SERPINE3: variants seen among roughly 807,000 people sequenced by gnomAD.
The protein encoded by SERPINE3 is serpin family E member 3, also known as serpin E3.
In SERPINE3, 43 loss-of-function variants were observed where a neutral mutation model predicts 41.7. That is an observed-to-expected ratio of 1.03 (90% CI 0.81 to 1.33). The LOEUF is 1.33. Ranked by LOEUF, SERPINE3 falls within the 40% of genes most tolerant of loss-of-function variation. SERPINE3 has a pLI of 0.00. For synonymous variants in SERPINE3, 200 were observed against 192.2 expected (o/e 1.04, Z -0.34); for missense variants, 440 against 491.7 (o/e 0.89, Z 0.99).
chr13:51,349,498 G>A (rs529497703), intron 6 of SERPINE3, among the ~76,000 whole-genome samples: 3 of 152,306 alleles, frequency 2.0e-5, no homozygotes, highest in Non-Finnish European at 2.9e-5. Context: ...TTATATTTGA[G>A]AGAAACTCAG....
At chr13:51,360,191 G>C (rs963052270) in intron 7 of SERPINE3, among the ~76,000 whole-genome samples, 1 of 152,020 alleles carries the variant, frequency 6.6e-6, no homozygotes, top group African/African-American at 2.4e-5. Flanking sequence ...AGTCTAAGAT[G>C]AAACAAAGCT....
At chr13:51,354,800 A>G (rs1472762593) in intron 6 of SERPINE3, among the ~76,000 whole-genome samples, 1 of 152,172 alleles carries the variant, frequency 6.6e-6, no homozygotes, top group African/African-American at 2.4e-5. Flanking sequence ...ATAATAACTA[A>G]AAGACAATCA....
intron 7 of SERPINE3, among the ~76,000 whole-genome samples, chr13:51,357,314 A>G (rs1419865281): frequency 1.3e-5 from 2 of 152,212 alleles, no homozygotes; most frequent in East Asian, 1.9e-4. Flanking sequence ...CATTCCTAAA[A>G]TGGGGTAACT....
Position 51,355,113 on chromosome 13 carries a change from C to T in SERPINE3, c.970C>T (p.Pro324Ser), listed in dbSNP as rs754889611. The change falls in exon 7 of 10, where the codon CCA (proline) becomes TCA (serine). Residue 324 changes from proline to serine, a missense_variant. Pro to Ser is a moderately conservative substitution (Grantham distance 74). Transcript: ENST00000681248. ...NSWGVTDLFDPLKANLKGISG... is the reference protein window; with the variant it reads ...NSWGVTDLFDSLKANLKGISG... ...TTGGGGAGTCACCGATCTTTTTGAT[C>T]CACTCAAAGCTAACTTGAAAGGAAT... is the stretch of plus-strand genomic sequence containing the variant. 7 of 1,543,594 alleles carry T rather than the reference C, an allele frequency of 4.5e-6. No homozygotes were observed. Among genetic ancestry groups the T allele is most frequent in the Non-Finnish European group, 6.2e-6 (7 of 1,138,070 alleles).
chr13:51,347,380 G>A, intron 5 of SERPINE3, 146 bp downstream of exon 5: 1 of 700,192 alleles, frequency 1.4e-6, no homozygotes, highest in Non-Finnish European at 2.4e-6. Flanking sequence ...ATGGCGGAAG[G>A]AAAGACTAAG....
chr13:51,342,128 T>C (rs1433257501), intron 3 of SERPINE3, among the ~76,000 whole-genome samples: 1 of 145,880 alleles, frequency 6.9e-6, no homozygotes, highest in Admixed American at 7.0e-5. Flanking sequence ...CTCACACACA[T>C]TAACATTTTT....
At chr13:51,361,982 T>C (rs1337650229) in intron 9 of SERPINE3, 89 bp downstream of exon 9, 1 of 1,610,768 alleles carries the variant, frequency 6.2e-7, no homozygotes, top group Non-Finnish European at 8.5e-7. Flanking sequence ...CCCTCAAAAA[T>C]AAGCATTCTT....
intron 5 of SERPINE3, 118 bp from the exon 6 acceptor site, chr13:51,348,095 G>A (rs1395352871): frequency 1.4e-6 from 1 of 730,122 alleles, no homozygotes; most frequent in Non-Finnish European, 2.3e-6. Context: ...CTGAGGGTGA[G>A]GTGGATGCTC....
chr13:51,353,541 C>T (rs890892834), intron 6 of SERPINE3, among the ~76,000 whole-genome samples: 9 of 152,162 alleles, frequency 5.9e-5, no homozygotes, highest in African/African-American at 2.2e-4. Context: ...GCATTGGATT[C>T]CCAAGTCCAT....
intron 4 of SERPINE3, among the ~76,000 whole-genome samples, chr13:51,344,969 G>T (rs888094068): frequency 6.8e-6 from 1 of 146,178 alleles, no homozygotes; most frequent in African/African-American, 2.8e-5. Flanking sequence ...ATTGAAGAAA[G>T]AGACTTACAA....
At chr13:51,360,541 AC>A (rs1955556945) in intron 7 of SERPINE3, among the ~76,000 whole-genome samples, 1 of 152,112 alleles carries the variant, frequency 6.6e-6, no homozygotes, top group Non-Finnish European at 1.5e-5. Flanking sequence ...TGATTAGCTT[AC>A]AAAAATCAGC....
rs866347293 is a variant in SERPINE3, at chr13:51,344,219, C to T, written c.257-33C>T. 1.6e-5 allele frequency: 24 copies of T among 1,537,150 alleles called. No individual in the cohort carries two copies. The African/African-American group carries it at 1.9e-4, about 12-fold the overall frequency. ...GTGCTAACTCCTTACTCACACTCAC[C>T]ATTGTCAACTTATCCCAACTTGTTT... is the stretch of plus-strand genomic sequence containing the variant. On this transcript the variant is annotated intron_variant, in intron 3 of 9. Coordinates refer to ENST00000681248, the MANE Select transcript of SERPINE3 (RefSeq NM_001386375.1).
chr13:51,362,435 C>T (rs569660247), intron 9 of SERPINE3: 5 of 153,554 alleles, frequency 3.3e-5, no homozygotes, highest in South Asian at 2.1e-4. Flanking sequence ...GGTGTGGTAC[C>T]GGCAAAGCCT....
intron 3 of SERPINE3, among the ~76,000 whole-genome samples, chr13:51,342,001 G>C (rs1233914151): frequency 2.0e-5 from 3 of 152,088 alleles, no homozygotes; most frequent in Non-Finnish European, 4.4e-5. Flanking sequence ...GAGCGGCTTT[G>C]CCGGCAGCAG....
intron 3 of SERPINE3, among the ~76,000 whole-genome samples, chr13:51,343,519 T>C (rs958843461): frequency 6.6e-6 from 1 of 152,204 alleles, no homozygotes; most frequent in African/African-American, 2.4e-5. Context: ...AGTAAATAAA[T>C]AGAAGTCCAG....
intron 5 of SERPINE3, 93 bp downstream of exon 5, chr13:51,347,327 C>T (rs986699064): frequency 1.5e-5 from 17 of 1,099,892 alleles, no homozygotes; most frequent in Admixed American, 4.1e-5. Flanking sequence ...CCTAAGGGAT[C>T]GGGATGTGTT....
chr13:51,360,753 G>A (rs890834890), intron 7 of SERPINE3, among the ~76,000 whole-genome samples: 2 of 151,970 alleles, frequency 1.3e-5, no homozygotes, highest in African/African-American at 4.8e-5. Flanking sequence ...TCTGAATTGT[G>A]CCTCAATAAA....
intron 6 of SERPINE3, among the ~76,000 whole-genome samples, chr13:51,348,851 A>G (rs1361891492): frequency 2.1e-5 from 1 of 48,528 alleles, no homozygotes; most frequent in Non-Finnish European, 3.4e-5. Flanking sequence ...TAATTGAGCA[A>G]GTACAGATAA....
chr13:51,342,581 G>C (rs1955304850), intron 3 of SERPINE3, among the ~76,000 whole-genome samples: 1 of 152,178 alleles, frequency 6.6e-6, no homozygotes, highest in Non-Finnish European at 1.5e-5. Flanking sequence ...GGCTAGGGCA[G>C]AGAAAAGATT....
Sources: gnomAD v4.1 joint callset for allele counts (sites outside exome capture counted in the v4.1 genomes callset) on GRCh38, gnomAD v4.1.1 for gene constraint, MANE v1.5 for transcripts, NCBI Gene and HGNC (gene_info 2026-07-23, HGNC 2026-07-21) for gene names.